The following ABCC4 variants were observed in gnomAD, a reference collection of about 807,000 sequenced individuals.
ABCC4 encodes ATP binding cassette subfamily C member 4 (PEL blood group), also known as ATP-binding cassette sub-family C member 4.
Under a neutral mutation model 168.5 loss-of-function variants are expected in ABCC4, and 102 were observed. That is an observed-to-expected ratio of 0.61 (90% CI 0.52 to 0.71). The LOEUF (loss-of-function observed/expected upper bound fraction) is 0.71, where lower values mean the gene tolerates loss of function less well. Among genes scored for constraint, ABCC4 ranks in the 30% least tolerant of loss-of-function variants. The pLI is 0.00. For missense variants in ABCC4, 1,402 were observed against 1,605.8 expected, an observed-to-expected ratio of 0.87 and a Z score of 2.17; for synonymous variants, 617 against 590.7, an observed-to-expected ratio of 1.04 and a Z score of -0.65.
chr13:95,177,592 T>C, intron 13 of ABCC4, 115 bp downstream of exon 13: 2 of 744,542 alleles, frequency 2.7e-6, no homozygotes, highest in Non-Finnish European at 2.2e-6. Flanking sequence ...GGGGACAGTG[T>C]GGGGAGGGGA....
intron 19 of ABCC4, among the ~76,000 whole-genome samples, chr13:95,153,591 T>C (rs2036762400): frequency 6.6e-6 from 1 of 152,240 alleles, no homozygotes; most frequent in Non-Finnish European, 1.5e-5. Context: ...AAATATTACA[T>C]GATTATCACT....
intron 1 of ABCC4, among the ~76,000 whole-genome samples, chr13:95,281,119 T>A (rs543406975): frequency 1.3e-5 from 2 of 151,576 alleles, no homozygotes. Flanking sequence ...CCAGGCACTG[T>A]GGCAACATGG....
chr13:95,285,036 AG>A (rs756870689), intron 1 of ABCC4, among the ~76,000 whole-genome samples: 1 of 152,162 alleles, frequency 6.6e-6, no homozygotes, highest in African/African-American at 2.4e-5. Flanking sequence ...ATTTGAGTCC[AG>A]GAGTTTGAGA....
At chr13:95,047,712 T>C (rs2032650223) in intron 27 of ABCC4, among the ~76,000 whole-genome samples, 1 of 152,110 alleles carries the variant, frequency 6.6e-6, no homozygotes, top group Non-Finnish European at 1.5e-5. Flanking sequence ...CTCGATCTCC[T>C]GACCTCGTGA....
At position 95,228,320 on chromosome 13, in the gene ABCC4, G is replaced by C. The variant is rs543632638; in HGVS notation, c.531+6290C>G. On this transcript the variant is annotated intron_variant, in intron 4 of 30. Transcript: ENST00000645237. ...TCAGGTTCTACTTATTGCATAGGGCGGCAGACATGACTTGGGAAGGGTGCA... is the reference window on the plus strand; with the variant it reads ...TCAGGTTCTACTTATTGCATAGGGCCGCAGACATGACTTGGGAAGGGTGCA... Among the ~76,000 whole-genome samples, 347 of 152,134 alleles carry C rather than the reference G, an allele frequency of 2.3e-3. 2 individuals are homozygous for C. The highest frequency in any genetic ancestry group is 8.1e-3 in the African/African-American group (338 of 41,510).
At chr13:95,229,755 G>C (rs1434332480) in intron 4 of ABCC4, among the ~76,000 whole-genome samples, 1 of 152,202 alleles carries the variant, frequency 6.6e-6, no homozygotes. Context: ...TTCAGGCTCA[G>C]ATCTATCCTG....
At chr13:95,095,081 T>C (rs941691412) in intron 20 of ABCC4, among the ~76,000 whole-genome samples, 6 of 152,206 alleles carry the variant, frequency 3.9e-5, no homozygotes, top group African/African-American at 1.4e-4. Context: ...TGGAAAATAG[T>C]GTGGAAATTC....
chr13:95,134,571 C>A (rs2036078846), intron 19 of ABCC4, among the ~76,000 whole-genome samples: 1 of 151,996 alleles, frequency 6.6e-6, no homozygotes, highest in South Asian at 2.1e-4. Flanking sequence ...AATACAAAAG[C>A]TAGCCGGAGG....
chr13:95,296,074 A>AATGAGCC (rs1456416740), intron 1 of ABCC4, among the ~76,000 whole-genome samples: 4 of 151,650 alleles, frequency 2.6e-5, no homozygotes, highest in Admixed American at 2.6e-4. Flanking sequence ...TTGAGGCTAC[A>AATGAGCC]ATGAGCCATG....
At chr13:95,247,430 G>C (rs1448522938) in intron 2 of ABCC4, among the ~76,000 whole-genome samples, 1 of 152,136 alleles carries the variant, frequency 6.6e-6, no homozygotes, top group African/African-American at 2.4e-5. Context: ...GGCCTTTGGT[G>C]CTGGCTCCCC....
chr13:95,273,199 G>A (rs765000086), intron 1 of ABCC4, among the ~76,000 whole-genome samples: 3 of 152,152 alleles, frequency 2.0e-5, no homozygotes, highest in Non-Finnish European at 4.4e-5. Context: ...TACCAAAGTC[G>A]CCAAACCAAT....
intron 4 of ABCC4, among the ~76,000 whole-genome samples, chr13:95,226,527 G>C (rs2039471223): frequency 6.6e-6 from 1 of 152,132 alleles, no homozygotes; most frequent in African/African-American, 2.4e-5. Context: ...TCTTCAACAA[G>C]TTGTTATCAG....
chr13:95,163,314 T>G, intron 17 of ABCC4, 98 bp from the exon 18 acceptor site: 1 of 807,380 alleles, frequency 1.2e-6, no homozygotes, highest in Admixed American at 2.4e-5. Flanking sequence ...AAACGCTTCA[T>G]GCTGGAAAAT....
chr13:95,100,625 T>C (rs1255981326), intron 20 of ABCC4, among the ~76,000 whole-genome samples: 1 of 152,232 alleles, frequency 6.6e-6, no homozygotes, highest in Non-Finnish European at 1.5e-5. Flanking sequence ...TCCACTTTAA[T>C]GTGGCAGTTG....
intron 26 of ABCC4, among the ~76,000 whole-genome samples, chr13:95,061,611 T>C (rs1176939438): frequency 6.8e-6 from 1 of 147,246 alleles, no homozygotes; most frequent in Non-Finnish European, 1.5e-5. Context: ...TGTGTGTGTG[T>C]GTGTGTGTGT....
intron 27 of ABCC4, among the ~76,000 whole-genome samples, chr13:95,049,160 C>G (rs1031740778): frequency 2.0e-5 from 3 of 151,470 alleles, no homozygotes; most frequent in East Asian, 1.9e-4. Context: ...ATGGCAAAAC[C>G]CTGTCTCTAC....
intron 1 of ABCC4, among the ~76,000 whole-genome samples, chr13:95,249,798 G>A (rs1594378572): frequency 6.6e-6 from 1 of 152,192 alleles, no homozygotes; most frequent in South Asian, 2.1e-4. Context: ...TTTAATCAGG[G>A]AATAAAACTG....
intron 25 of ABCC4, among the ~76,000 whole-genome samples, chr13:95,064,425 C>A (rs2139292442): frequency 6.6e-6 from 1 of 151,534 alleles, no homozygotes; most frequent in Non-Finnish European, 1.5e-5. Context: ...ATGACACATT[C>A]TTTGGTAGAG....
intron 1 of ABCC4, among the ~76,000 whole-genome samples, chr13:95,295,416 T>C (rs2138964211): frequency 6.6e-6 from 1 of 152,166 alleles, no homozygotes; most frequent in South Asian, 2.1e-4. Flanking sequence ...TCCCAGCACT[T>C]TGGGAGGCCG....
Sources: allele counts gnomAD v4.1 joint callset (sites outside exome capture counted in the v4.1 genomes callset), GRCh38; gene constraint gnomAD v4.1.1; transcripts MANE v1.5; gene names NCBI Gene and HGNC (gene_info 2026-07-23, HGNC 2026-07-21).